ZFR2: variants seen among roughly 807,000 people sequenced by gnomAD.
ZFR2 encodes the protein zinc finger RNA-binding protein 2.
A neutral mutation model predicts 105.7 loss-of-function variants in ZFR2; 104 were observed. That is an observed-to-expected ratio of 0.98 (90% CI 0.84 to 1.16). The LOEUF (loss-of-function observed/expected upper bound fraction) is 1.16, where lower values mean the gene tolerates loss of function less well. ZFR2 is among the 50% of genes most tolerant of loss of function. The pLI, the probability that ZFR2 is intolerant of heterozygous loss-of-function variation, is 0.00. For synonymous variants in ZFR2, 634 were observed against 597.7 expected, an observed-to-expected ratio of 1.06 and a Z score of -0.89; for missense variants, 1,425 against 1,355.5, an observed-to-expected ratio of 1.05 and a Z score of -0.80.
Position 3,810,951 on chromosome 19 carries a change from C to T in ZFR2, c.2338-106G>A. The T allele has an allele frequency of 4.7e-6, 6 of 1,274,286 alleles. No homozygotes were observed. In the Admixed American group the frequency reaches 9.5e-5, roughly 20 times the overall value. 78.9% of individuals were successfully genotyped at this position (1,274,286 alleles called of 1,614,324 possible). A position where few individuals can be genotyped will look rare whatever the true frequency, so the allele number is the denominator to read the frequency against. Reference sequence around the variant, plus strand: ...AACCCCAGGGAGGATAATAGGGAGCCTGGCGGGCCTCGAAGGTGGCGGGTG... The same window carrying T: ...AACCCCAGGGAGGATAATAGGGAGCTTGGCGGGCCTCGAAGGTGGCGGGTG... On this transcript the variant is annotated intron_variant, in intron 15 of 18. Transcript: ENST00000262961.
At chr19:3,814,107 G>A in intron 13 of ZFR2, 149 bp from the exon 14 acceptor site, 2 of 1,184,846 alleles carry the variant, frequency 1.7e-6, no homozygotes, top group Non-Finnish European at 2.3e-6. Flanking sequence ...CCTGTGTCTG[G>A]AACCTCCAAG....
chr19:3,805,740 A>T lies in ZFR2; in HGVS notation c.*209T>A. On this transcript the variant is annotated 3_prime_UTR_variant, in exon 19 of 19. Transcript: ENST00000262961. ...GGGCTGGCCTTGAACTCTCAGGCTC[A>T]AGCAACTCAGCCTCCCAAAGTGCTG... The T allele has an allele frequency of 1.9e-6, 1 of 534,072 alleles. No homozygotes were observed. Among genetic ancestry groups the T allele is most frequent in the Non-Finnish European group, 3.1e-6 (1 of 322,436 alleles). 33.1% of individuals were successfully genotyped at this position (534,072 alleles called of 1,614,324 possible).
chr19:3,856,016 G>A (rs2038295799), intron 1 of ZFR2, among the ~76,000 whole-genome samples: 1 of 152,212 alleles, frequency 6.6e-6, no homozygotes, highest in African/African-American at 2.4e-5. Flanking sequence ...GGCGCTGTGC[G>A]CGGATGGAAA....
chr19:3,839,057 T>A (rs1487034715), intron 1 of ZFR2, among the ~76,000 whole-genome samples: 1 of 152,134 alleles, frequency 6.6e-6, no homozygotes, highest in Non-Finnish European at 1.5e-5. Context: ...AGGATGGACA[T>A]GTCCCCTGGG....
intron 1 of ZFR2, among the ~76,000 whole-genome samples, chr19:3,854,478 C>T (rs1213317105): frequency 6.6e-6 from 1 of 152,160 alleles, no homozygotes; most frequent in Admixed American, 6.6e-5. Flanking sequence ...GATTCAGAGA[C>T]ACCTGTGGTA....
chr19:3,831,335 C>A lies in ZFR2; in HGVS notation c.820G>T (p.Asp274Tyr). ...GPRQLQLHYC[D>Y]ICKISCAGPQ... ...CCAGCGCAGCTGATCTTGCAGATGT[C>A]GCAGTAGTGAAGCTGGAGCTGCCTG... Residue 274 changes from aspartate (D) to tyrosine (Y), a missense_variant, in exon 5 of 19, where the codon GAC (aspartate) becomes TAC (tyrosine). Physicochemically the swap from Asp to Tyr is radical, Grantham distance 160. Transcript: ENST00000262961. The A allele has an allele frequency of 6.4e-7, 1 of 1,556,836 alleles. No individual in the cohort carries two copies. Among genetic ancestry groups the A allele is most frequent in the Non-Finnish European group, 8.7e-7 (1 of 1,152,678 alleles).
intron 1 of ZFR2, among the ~76,000 whole-genome samples, chr19:3,868,135 G>C (rs537176242): frequency 1.7e-4 from 25 of 145,250 alleles, no homozygotes; most frequent in Non-Finnish European, 3.2e-4. Flanking sequence ...CAGCAATCGG[G>C]GTCAGCTCCG....
At chr19:3,806,406 G>T (rs183807227) in intron 18 of ZFR2, among the ~76,000 whole-genome samples, 2 of 152,240 alleles carry the variant, frequency 1.3e-5, no homozygotes, top group Non-Finnish European at 2.9e-5. Context: ...GGGATTACAG[G>T]CGTGTGCCAC....
At chr19:3,857,531 CAAAA>C (rs11289351) in intron 1 of ZFR2, among the ~76,000 whole-genome samples, 4 of 118,700 alleles carry the variant, frequency 3.4e-5, no homozygotes, top group Non-Finnish European at 3.5e-5. Flanking sequence ...ATGGTGTATA[CAAAA>C]AAAAAAAAAA....
chr19:3,816,829 T>C lies in ZFR2; in HGVS notation c.1948A>G (p.Thr650Ala). ...CGCATGACGCCTTTCAGGACCCGAGTCTGGGGGGCAACGCTGCTGTGGGGA... is the reference window on the plus strand; with the variant it reads ...CGCATGACGCCTTTCAGGACCCGAGCCTGGGGGGCAACGCTGCTGTGGGGA... ...GDKRSSVAPQ[T>A]RVLKGVMRVG... The change falls in exon 13 of 19, where the codon ACT becomes GCT. Residue 650 changes from threonine (T) to alanine (A), a missense_variant. Thr to Ala is a moderately conservative substitution (Grantham distance 58). Transcript: ENST00000262961. 6.4e-7 allele frequency: 1 copy of C among 1,567,828 alleles called. No homozygotes were observed. The highest frequency in any genetic ancestry group is 8.6e-7 in the Non-Finnish European group (1 of 1,157,516).
chr19:3,813,812 G>C lies in ZFR2; in HGVS notation c.2242+8C>G. 1.2e-6 allele frequency: 2 copies of C among 1,613,534 alleles called. No homozygotes were observed. Among genetic ancestry groups the C allele is most frequent in the Non-Finnish European group, 1.7e-6 (2 of 1,179,758 alleles). Reference sequence around the variant, plus strand: ...GGACAGTGGTTGGAAGGAAGGGCTGGGCCGCACCTGGGTCTGTGGAGGGGT... The same window carrying C: ...GGACAGTGGTTGGAAGGAAGGGCTGCGCCGCACCTGGGTCTGTGGAGGGGT... On this transcript the variant is annotated splice_region_variant and intron_variant, in intron 14 of 18. Transcript: ENST00000262961. The surrounding 1 kb of genome is among the most constrained non-coding windows in gnomAD (Gnocchi z 4.4).
intron 1 of ZFR2, chr19:3,852,220 C>A (rs1483109214): frequency 3.8e-6 from 2 of 529,468 alleles, no homozygotes; most frequent in Non-Finnish European, 6.8e-6. Flanking sequence ...GCAATCCTGG[C>A]AGAGGTGGGG....
rs2037711509 is a variant in ZFR2, at chr19:3,807,579, G to A, written c.2546-310C>T. Among the ~76,000 whole-genome samples the A allele has an allele frequency of 2.0e-5, 3 of 150,208 alleles. No homozygotes were observed. In the South Asian group the frequency reaches 6.3e-4, roughly 31 times the overall value. ...GACGTGTGTGTCCATGCGTGCCCAT[G>A]TGCACGTGTGTGTCCGTGTGTGCAC... On this transcript the variant is annotated intron_variant, in intron 17 of 18. Transcript: ENST00000262961.
chr19:3,848,528 T>C (rs541623047), intron 1 of ZFR2, among the ~76,000 whole-genome samples: 2 of 146,240 alleles, frequency 1.4e-5, no homozygotes, highest in East Asian at 2.1e-4. Context: ...CTGGGCAACA[T>C]AGCAAGATCC....
intron 1 of ZFR2, chr19:3,851,770 C>T (rs1255669143): frequency 1.3e-5 from 2 of 153,424 alleles, no homozygotes; most frequent in Non-Finnish European, 2.9e-5. Context: ...GGTAATAATA[C>T]TTCATGGCAT....
chr19:3,836,065 C>T (rs116505283), intron 1 of ZFR2, among the ~76,000 whole-genome samples: 33 of 152,220 alleles, frequency 2.2e-4, no homozygotes, highest in African/African-American at 7.0e-4. Context: ...TGACATAGAA[C>T]GATATAGTGT....
intron 7 of ZFR2, among the ~76,000 whole-genome samples, chr19:3,824,250 T>C (rs900423574): frequency 2.0e-5 from 3 of 152,042 alleles, no homozygotes; most frequent in African/African-American, 7.3e-5. Context: ...CAGTGAGCTA[T>C]GATTGCACCT....
intron 10 of ZFR2, among the ~76,000 whole-genome samples, chr19:3,820,674 C>T (rs1458582280): frequency 2.0e-5 from 3 of 151,508 alleles, no homozygotes; most frequent in African/African-American, 2.4e-5. Flanking sequence ...CAGGGGGACA[C>T]AGGAGACTCC....
chr19:3,807,277 A>G lies in ZFR2; in HGVS notation c.2546-8T>C. On this transcript the variant is annotated splice_region_variant and splice_polypyrimidine_tract_variant and intron_variant, in intron 17 of 18. Coordinates refer to ENST00000262961, the MANE Select transcript of ZFR2 (RefSeq NM_015174.2). Reference sequence around the variant, plus strand: ...CCTGGAGCCCGGGCCCGTCTTTGTGACGGGGAGTGGGAACAGCAAAGAAGG... The same window carrying G: ...CCTGGAGCCCGGGCCCGTCTTTGTGGCGGGGAGTGGGAACAGCAAAGAAGG... 6.5e-7 allele frequency: 1 copy of G among 1,550,148 alleles called. No individual in the cohort carries two copies. Among genetic ancestry groups the G allele is most frequent in the Non-Finnish European group, 8.7e-7 (1 of 1,145,150 alleles).
Sources: allele counts gnomAD v4.1 joint callset (sites outside exome capture counted in the v4.1 genomes callset), GRCh38; gene constraint gnomAD v4.1.1; non-coding constraint Gnocchi (gnomAD v3.1); transcripts MANE v1.5; gene names NCBI Gene and HGNC (gene_info 2026-07-23, HGNC 2026-07-21).